The following EXTL3 variants were observed in gnomAD, a reference collection of about 807,000 sequenced individuals.
EXTL3 encodes the protein exostosin like glycosyltransferase 3, also known as exostosin-like 3.
A neutral mutation model predicts 69.3 loss-of-function variants in EXTL3; 27 were observed. The observed-to-expected ratio is 0.39, with a 90% CI of 0.29 to 0.54. The LOEUF (loss-of-function observed/expected upper bound fraction) is 0.54. Ranked by LOEUF, EXTL3 falls within the 20% of genes least tolerant of loss-of-function variation. The probability of loss-of-function intolerance (pLI) is 0.69; values close to 1 mark genes in which losing one functional copy is unlikely to be tolerated. For missense variants in EXTL3, 1,003 were observed against 1,231.8 expected (o/e 0.81, Z 2.78); for synonymous variants, 511 against 499.4 (o/e 1.02, Z -0.31).
intron 6 of EXTL3, among the ~76,000 whole-genome samples, chr8:28,745,684 G>A (rs1801874394): frequency 6.6e-6 from 1 of 152,224 alleles, no homozygotes; most frequent in Non-Finnish European, 1.5e-5. Context: ...AAGTATCTGA[G>A]TGATTAGGTA....
At position 28,744,863 on chromosome 8, in the gene EXTL3, T is replaced by G. The variant is rs1324836373; in HGVS notation, c.2550+1649T>G. Among the ~76,000 whole-genome samples, 2 of 151,376 alleles carry G rather than the reference T, an allele frequency of 1.3e-5. 1 individual carries two copies. Among genetic ancestry groups the G allele is most frequent in the South Asian group, 4.2e-4 (2 of 4,810 alleles). The stretch of plus-strand genomic sequence containing the variant: ...CTGTAATCCCAGCTACTCAGCAGGC[T>G]GAGGCAGGAGAATCGCTTGAATCCA... On this transcript the variant is annotated intron_variant, in intron 6 of 6. Transcript: ENST00000220562.
At chr8:28,662,443 T>C (rs1161255064) in intron 1 of EXTL3, among the ~76,000 whole-genome samples, 1 of 152,172 alleles carries the variant, frequency 6.6e-6, no homozygotes, top group Admixed American at 6.5e-5. Flanking sequence ...AAAACAACAA[T>C]ATGTATTTCC....
At chr8:28,645,967 A>G (rs1030633050) in intron 1 of EXTL3, among the ~76,000 whole-genome samples, 3 of 151,762 alleles carry the variant, frequency 2.0e-5, no homozygotes, top group African/African-American at 7.3e-5. Flanking sequence ...GGCTCCGGAG[A>G]TCCTCCCACC....
chr8:28,647,506 G>A (rs555349156), intron 1 of EXTL3, among the ~76,000 whole-genome samples: 3 of 152,278 alleles, frequency 2.0e-5, no homozygotes, highest in East Asian at 1.9e-4. Flanking sequence ...TCATCTGACG[G>A]TATGGCAGCT....
intron 1 of EXTL3, among the ~76,000 whole-genome samples, chr8:28,661,015 G>A (rs553279115): frequency 7.3e-5 from 11 of 150,430 alleles, no homozygotes; most frequent in East Asian, 2.0e-4. Context: ...CCGGGTTCAC[G>A]CTATTCTTCT....
At chr8:28,613,341 G>A (rs1418990444) in intron 2 of EXTL3, among the ~76,000 whole-genome samples, 1 of 151,850 alleles carries the variant, frequency 6.6e-6, no homozygotes, top group Non-Finnish European at 1.5e-5. Context: ...CTGCTACCAC[G>A]CCCAGCTAAT....
At chr8:28,629,715 GT>G in intron 1 of EXTL3, among the ~76,000 whole-genome samples, 1 of 152,262 alleles carries the variant, frequency 6.6e-6, no homozygotes, top group East Asian at 1.9e-4. Context: ...CAATTCGGAT[GT>G]GTGTCTAGGG....
chr8:28,715,860 A>G lies in EXTL3; in HGVS notation c.-200A>G, dbSNP rs375460338. 93 of 587,538 alleles carry G rather than the reference A, an allele frequency of 1.6e-4. No homozygotes were observed. The highest frequency in any genetic ancestry group is 1.4e-3 in the African/African-American group (74 of 53,840). The allele number at this position is 587,538 out of a possible 1,614,324, so 36.4% of individuals were successfully genotyped here. On this transcript the variant is annotated 5_prime_UTR_variant, in exon 3 of 7. Coordinates refer to ENST00000220562, the MANE Select transcript of EXTL3 (RefSeq NM_001440.4). ...TCTTTGGTCAACAGCCAGAACTTAA[A>G]ATCTGCTGGAATAGGGTCAGAGACC... is the stretch of plus-strand genomic sequence containing the variant.
chr8:28,707,742 GTTATTTGAAAAAATTC>G (rs1563211221), intron 1 of EXTL3, among the ~76,000 whole-genome samples: 1 of 152,148 alleles, frequency 6.6e-6, no homozygotes, highest in African/African-American at 2.4e-5. Flanking sequence ...GTCCCGGTTT[GTTATTTGAAAAAATTC>G]TTAAGTGGTG....
intron 1 of EXTL3, among the ~76,000 whole-genome samples, chr8:28,687,204 G>A (rs1807591463): frequency 1.3e-5 from 2 of 152,186 alleles, no homozygotes; most frequent in East Asian, 1.9e-4. Context: ...GGTGGCTCAC[G>A]CCTGTAATCC....
chr8:28,723,712 G>A (rs1001608329), intron 3 of EXTL3, among the ~76,000 whole-genome samples: 3 of 147,260 alleles, frequency 2.0e-5, no homozygotes, highest in Non-Finnish European at 4.5e-5. Flanking sequence ...TGTGATCTTG[G>A]CTCAGTGCAG....
At chr8:28,619,312 A>AAAAAAAAAAC (rs1563426171), upstream of EXTL3, among the ~76,000 whole-genome samples, 7 of 118,250 alleles carry the variant, frequency 5.9e-5, no homozygotes, top group African/African-American at 1.7e-4. Context: ...AAAAAAAAAA[A>AAAAAAAAAAC]AAACCCTGTG....
chr8:28,742,920 C>T (rs550266171), intron 5 of EXTL3, 166 bp from the exon 6 acceptor site: 2 of 734,402 alleles, frequency 2.7e-6, no homozygotes, highest in East Asian at 5.0e-5. Flanking sequence ...GCAGAAGATC[C>T]ACACGACAGG....
At chr8:28,723,704 T>C (rs753780048) in intron 3 of EXTL3, among the ~76,000 whole-genome samples, 4 of 149,988 alleles carry the variant, frequency 2.7e-5, no homozygotes, top group Non-Finnish European at 3.0e-5. Context: ...CACAGTGGTG[T>C]GATCTTGGCT....
At position 28,755,148 on chromosome 8, in the gene EXTL3, A is replaced by C. The variant is rs1213660192; in HGVS notation, c.*4282A>C. 2 of 152,218 alleles carry C rather than the reference A, an allele frequency of 1.3e-5. No homozygotes were observed. Among genetic ancestry groups the C allele is most frequent in the Admixed American group, 6.5e-5 (1 of 15,278 alleles). 9.4% of individuals were successfully genotyped at this position (152,218 alleles called of 1,614,324 possible). ...TAGAGTCCACTGTTTGACACAATAA[A>C]AATGAACTATTACTGGAGTAAAATA... On this transcript the variant is annotated 3_prime_UTR_variant, in exon 7 of 7. Coordinates refer to ENST00000220562, the MANE Select transcript of EXTL3 (RefSeq NM_001440.4).
chr8:28,655,489 CT>C lies in EXTL3; in HGVS notation c.-53+32697del, dbSNP rs60021378. ...ATATACCTTGAGAATAAAAATCTTC[CT>C]TTTTTTTTTTTTTTTTTGAGACAGC... On this transcript the variant is annotated intron_variant, in intron 1 of 6. Coordinates refer to the EXTL3 transcript ENST00000523149. 6.5e-3 allele frequency among the ~76,000 whole-genome samples: 852 copies of C among 130,964 alleles called. 7 individuals carry two copies. Among genetic ancestry groups the C allele is most frequent in the East Asian group, 0.028 (129 of 4,536 alleles). 85.9% of individuals were successfully genotyped at this position (130,964 alleles called of 152,430 possible).
intron 6 of EXTL3, among the ~76,000 whole-genome samples, chr8:28,744,849 G>A (rs1033962523): frequency 6.6e-6 from 1 of 150,880 alleles, no homozygotes; most frequent in African/African-American, 2.4e-5. Context: ...TGTAATCCCA[G>A]CTACTCAGCA....
intron 3 of EXTL3, among the ~76,000 whole-genome samples, chr8:28,719,451 C>T (rs116038001): frequency 6.6e-6 from 1 of 152,218 alleles, no homozygotes; most frequent in African/African-American, 2.4e-5. Context: ...CTTGTATCCT[C>T]TCTACATCAT....
At chr8:28,644,237 C>G (rs982701327) in intron 1 of EXTL3, among the ~76,000 whole-genome samples, 2 of 151,946 alleles carry the variant, frequency 1.3e-5, no homozygotes, top group African/African-American at 4.8e-5. Flanking sequence ...GGGTAGTACT[C>G]TATTATATAA....
Sources: gnomAD v4.1 joint callset for allele counts (sites outside exome capture counted in the v4.1 genomes callset) on GRCh38, gnomAD v4.1.1 for gene constraint, MANE v1.5 for transcripts, NCBI Gene and HGNC (gene_info 2026-07-23, HGNC 2026-07-21) for gene names.